Variants in FHDC1 observed in about 807,000 individuals in gnomAD.
FHDC1 encodes FH2 domain-containing protein 1.
In FHDC1, 25 loss-of-function variants were observed where a neutral mutation model predicts 52.6. The ratio of observed to expected loss-of-function variants is 0.48; its 90% CI spans 0.35 to 0.66. The LOEUF (loss-of-function observed/expected upper bound fraction) is 0.66, where lower values mean the gene tolerates loss of function less well. FHDC1 is among the 30% of genes least tolerant of loss of function. The probability of loss-of-function intolerance (pLI) is 0.01; values close to 1 mark genes in which losing one functional copy is unlikely to be tolerated. For synonymous variants in FHDC1, 616 were observed against 581.5 expected (o/e 1.06, Z -0.85); for missense variants, 1,459 against 1,452.8 (o/e 1.00, Z -0.07).
chr4:152,959,733 A>G (rs1740216271), intron 4 of FHDC1, among the ~76,000 whole-genome samples: 1 of 152,174 alleles, frequency 6.6e-6, no homozygotes, highest in South Asian at 2.1e-4. Context: ...CTGTGTATGT[A>G]GGTGTGTGCA....
At chr4:152,946,672 G>A (rs928271808) in intron 2 of FHDC1, among the ~76,000 whole-genome samples, 26 of 152,144 alleles carry the variant, frequency 1.7e-4, no homozygotes, top group African/African-American at 5.6e-4. Context: ...TCCTGAGCCC[G>A]GAGCCACAGC....
the FHDC1 span, among the ~76,000 whole-genome samples, chr4:152,919,858 G>A: frequency 6.6e-6 from 1 of 151,576 alleles, no homozygotes; most frequent in Non-Finnish European, 1.5e-5. Flanking sequence ...GGACTGGGTT[G>A]CATGGGTGTT....
chr4:152,923,642 T>G, the FHDC1 span, among the ~76,000 whole-genome samples: 3 of 113,282 alleles, frequency 2.6e-5, no homozygotes, highest in African/African-American at 1.1e-4. Context: ...AACAGCATGG[T>G]ACTGGTACCA....
intron 11 of FHDC1, among the ~76,000 whole-genome samples, chr4:152,973,020 C>A (rs1740687682): frequency 6.6e-6 from 1 of 152,188 alleles, no homozygotes; most frequent in Non-Finnish European, 1.5e-5. Context: ...ACCAGGGCAA[C>A]CATGTGGTCC....
intron 1 of FHDC1, among the ~76,000 whole-genome samples, chr4:152,937,427 C>T (rs1000798953): frequency 1.3e-5 from 2 of 152,040 alleles, no homozygotes; most frequent in East Asian, 1.9e-4. Flanking sequence ...GGCTGGCGCC[C>T]TGGGGGGCGT....
At chr4:152,919,990 G>A in the FHDC1 span, among the ~76,000 whole-genome samples, 465 of 137,882 alleles carry the variant, frequency 3.4e-3, 3 homozygotes, top group African/African-American at 0.012. Context: ...CTGTGTTGCC[G>A]AGGTTGGAGT....
the FHDC1 span, among the ~76,000 whole-genome samples, chr4:152,922,442 G>C: frequency 6.6e-6 from 1 of 152,080 alleles, no homozygotes; most frequent in Non-Finnish European, 1.5e-5. Context: ...GGAGGAACTG[G>C]TACCATTCCT....
intron 4 of FHDC1, among the ~76,000 whole-genome samples, chr4:152,959,184 T>G (rs1254317862): frequency 6.6e-6 from 1 of 152,258 alleles, no homozygotes; most frequent in East Asian, 1.9e-4. Context: ...AAAGATAGGC[T>G]GTACACTTCA....
intron 10 of FHDC1, among the ~76,000 whole-genome samples, chr4:152,969,619 T>C (rs1330645619): frequency 6.6e-6 from 1 of 152,124 alleles, no homozygotes; most frequent in Non-Finnish European, 1.5e-5. Flanking sequence ...GGACTGCTTT[T>C]CATAGTCAGT....
intron 8 of FHDC1, among the ~76,000 whole-genome samples, chr4:152,964,359 G>C (rs1740391021): frequency 6.6e-6 from 1 of 152,202 alleles, no homozygotes. Context: ...GATAGTATTC[G>C]GGCAAAGCTC....
In FHDC1 at chr4:152,976,018, C is replaced by T. The variant is rs200408489; in HGVS notation, c.2727C>T (p.Thr909=). Reference sequence around the variant, plus strand: ...GCATGCGCAAGGTCATGCCCATCACCAAGTCCAGCAGAGGCGCCGGCTGGA... The same window carrying T: ...GCATGCGCAAGGTCATGCCCATCACTAAGTCCAGCAGAGGCGCCGGCTGGA... ...NESMRKVMPI[T]KSSRGAGWRR... Residue 909 remains threonine (T), a synonymous_variant, in exon 12 of 12, where the codon ACC becomes ACT. Transcript: ENST00000511601. The T allele has an allele frequency of 6.4e-7, 1 of 1,551,476 alleles. No individual in the cohort carries two copies. The highest frequency in any genetic ancestry group is 1.4e-5 in the African/African-American group (1 of 72,668).
chr4:152,975,054 C>T lies in FHDC1; in HGVS notation c.1763C>T (p.Pro588Leu), dbSNP rs777838612. Residue 588 changes from proline (P) to leucine (L), a missense_variant, in exon 12 of 12, where the codon CCT becomes CTT. Pro to Leu is a moderately conservative substitution (Grantham distance 98). Transcript: ENST00000511601. ...CGGCCCACGATAGCCTGCCTGGAGCCTGCAGAAGTGAGGCACCAGGACTCC... is the reference window on the plus strand; with the variant it reads ...CGGCCCACGATAGCCTGCCTGGAGCTTGCAGAAGTGAGGCACCAGGACTCC... ...QARPTIACLEPAEVRHQDSSF... is the reference protein window; with the variant it reads ...QARPTIACLELAEVRHQDSSF... The T allele has an allele frequency of 5.0e-6, 8 of 1,612,514 alleles. No individual in the cohort carries two copies. The highest frequency in any genetic ancestry group is 1.6e-4 in the Middle Eastern group (1 of 6,062).
Position 152,975,203 on chromosome 4 carries a change from C to G in FHDC1, c.1912C>G (p.Arg638Gly). 6 of 1,613,260 alleles carry G rather than the reference C, an allele frequency of 3.7e-6. No homozygotes were observed. The highest frequency in any genetic ancestry group is 5.1e-6 in the Non-Finnish European group (6 of 1,180,004). ...CCATGCCTCTGCCTTCCCCAGAGCT[C>G]GGCGCCAGGGCGTCAGTGTCCTCCG... ...ENHASAFPRA[R>G]RQGVSVLRKR... is the part of the protein sequence containing the mutation. Residue 638 changes from arginine to glycine, a missense_variant, in exon 12 of 12, where the codon CGG (arginine) becomes GGG (glycine). Around this residue, in one of 3 missense-constraint regions of FHDC1, gnomAD observed 939 missense variants for 854.5 expected, o/e 1.10. Transcript: ENST00000511601.
intron 4 of FHDC1, 66 bp downstream of exon 4, chr4:152,954,385 G>T (rs1314578363): frequency 1.2e-5 from 17 of 1,368,102 alleles, no homozygotes; most frequent in Non-Finnish European, 1.8e-5. Context: ...ATTTTTAAGT[G>T]TGTCAAAGCT....
the FHDC1 span, among the ~76,000 whole-genome samples, chr4:152,923,701 C>T: frequency 1.1e-4 from 17 of 152,170 alleles, no homozygotes; most frequent in South Asian, 1.0e-3. Context: ...GAAATAACGC[C>T]GCATATCTAC....
chr4:152,943,650 A>T, intron 2 of FHDC1, 95 bp downstream of exon 2: 2 of 1,385,304 alleles, frequency 1.4e-6, no homozygotes, highest in Non-Finnish European at 2.0e-6. Context: ...AGACACCCCT[A>T]AGAAATGAGA....
At chr4:152,951,164 AT>A (rs1739914307) in intron 2 of FHDC1, among the ~76,000 whole-genome samples, 2 of 152,294 alleles carry the variant, frequency 1.3e-5, no homozygotes, top group South Asian at 4.1e-4. Flanking sequence ...CAAGTCATTT[AT>A]CCATCCTAGG....
At position 152,975,282 on chromosome 4, in the gene FHDC1, C is replaced by G; in HGVS notation, c.1991C>G (p.Ser664Trp). ...SLGSAQSPPLSPLALGIKEHE... is the reference protein window; with the variant it reads ...SLGSAQSPPLWPLALGIKEHE... ...GGCTCAGCACAGTCCCCTCCTCTCT[C>G]GCCATTGGCTCTGGGAATTAAGGAG... The change falls in exon 12 of 12, where the codon TCG becomes TGG. Residue 664 changes from serine to tryptophan, a missense_variant. Physicochemically the swap from Ser to Trp is radical, Grantham distance 177. Around this residue, in one of 3 missense-constraint regions of FHDC1, gnomAD observed 939 missense variants for 854.5 expected, o/e 1.10. Coordinates refer to ENST00000511601, the MANE Select transcript of FHDC1 (RefSeq NM_001371116.1). 6.2e-7 allele frequency: 1 copy of G among 1,613,602 alleles called. No individual in the cohort carries two copies. Among genetic ancestry groups the G allele is most frequent in the Non-Finnish European group, 8.5e-7 (1 of 1,180,046 alleles).
intron 2 of FHDC1, among the ~76,000 whole-genome samples, chr4:152,944,730 C>T (rs1432625190): frequency 6.6e-6 from 1 of 152,208 alleles, no homozygotes; most frequent in Non-Finnish European, 1.5e-5. Context: ...GAAGTGTAAA[C>T]TATGGCATAA....
Sources: allele counts gnomAD v4.1 joint callset (sites outside exome capture counted in the v4.1 genomes callset), GRCh38; gene constraint gnomAD v4.1.1; regional missense constraint gnomAD v4.1.1; transcripts MANE v1.5; gene names NCBI Gene and HGNC (gene_info 2026-07-23, HGNC 2026-07-21).